Variants in STPG2 observed in about 807,000 individuals in gnomAD.
STPG2 encodes the protein sperm-tail PG-rich repeat-containing protein 2.
In STPG2, 56 loss-of-function variants were observed where a neutral mutation model predicts 54.2. The observed-to-expected ratio is 1.03, with a 90% confidence interval of 0.83 to 1.29. STPG2 has a LOEUF of 1.29. Among genes scored for constraint, STPG2 ranks in the 50% most tolerant of loss-of-function variants. The pLI is 0.00. For missense variants in STPG2, 596 were observed against 544.9 expected (o/e 1.09, Z -0.93); for synonymous variants, 200 against 181.8 (o/e 1.10, Z -0.81).
chr4:97,545,252 A>G (rs1731809452), intron 4 of STPG2, among the ~76,000 whole-genome samples: 1 of 152,064 alleles, frequency 6.6e-6, no homozygotes. Flanking sequence ...GGGCATAAAA[A>G]CCTACATTTT....
chr4:97,787,045 C>T (rs890938660), intron 9 of STPG2, among the ~76,000 whole-genome samples: 1 of 151,990 alleles, frequency 6.6e-6, no homozygotes, highest in African/African-American at 2.4e-5. Flanking sequence ...TACTGTATTC[C>T]GATGTTTTAT....
intron 9 of STPG2, among the ~76,000 whole-genome samples, chr4:97,807,511 T>C (rs1727607067): frequency 1.3e-5 from 2 of 151,760 alleles, no homozygotes; most frequent in Non-Finnish European, 2.9e-5. Context: ...GAAATAAAAA[T>C]AAAATAATTA....
intron 8 of STPG2, among the ~76,000 whole-genome samples, chr4:97,888,278 T>C (rs1420668607): frequency 6.6e-6 from 1 of 152,052 alleles, no homozygotes; most frequent in Non-Finnish European, 1.5e-5. Flanking sequence ...ACCGACAGCT[T>C]GTACCCTCAG....
rs565592766 is a variant in STPG2, at chr4:97,795,287, G to A, written c.1204+45486C>T. 7.2e-5 allele frequency among the ~76,000 whole-genome samples: 11 copies of A among 152,192 alleles called. No homozygotes were observed. The South Asian group carries it at 1.9e-3, about 26-fold the overall frequency. On this transcript the variant is annotated intron_variant, in intron 9 of 10. Coordinates refer to ENST00000295268, the MANE Select transcript of STPG2 (RefSeq NM_174952.3). ...ATGTATACATGTGCCATGTTGGTGTGCTGCACCCAATAACTCGTCATTTAC... is the reference window on the plus strand; with the variant it reads ...ATGTATACATGTGCCATGTTGGTGTACTGCACCCAATAACTCGTCATTTAC...
At position 97,493,243 on chromosome 4, in the gene STPG2, CA is replaced by C. The variant is rs1379981653; in HGVS notation, c.462+219455del. 4.0e-5 allele frequency among the ~76,000 whole-genome samples: 6 copies of C among 151,154 alleles called. No individual in the cohort carries two copies. In the East Asian group the frequency reaches 1.2e-3, roughly 29 times the overall value. ...GTAAGACCCTGAGGAAAAAGCAAAACAAAACAGAACCCAGCCCAGCCCTTAT... is the reference window on the plus strand; with the variant it reads ...GTAAGACCCTGAGGAAAAAGCAAAACAAACAGAACCCAGCCCAGCCCTTAT... On this transcript the variant is annotated intron_variant, in intron 4 of 4. Transcript: ENST00000522676.
At position 97,806,267 on chromosome 4, in the gene STPG2, C is replaced by G. The variant is rs551640882; in HGVS notation, c.1204+34506G>C. Among the ~76,000 whole-genome samples the G allele has an allele frequency of 2.6e-5, 4 of 152,210 alleles. No homozygotes were observed. The East Asian group carries it at 5.8e-4, about 22-fold the overall frequency. The stretch of plus-strand genomic sequence containing the variant: ...TATCCAAAGTTAATTAATTCAGAAG[C>G]AGAAAACCAAATACCACATGTTCTT... On this transcript the variant is annotated intron_variant, in intron 9 of 10. Coordinates refer to ENST00000295268, the MANE Select transcript of STPG2 (RefSeq NM_174952.3).
At chr4:97,745,281 C>T (rs6821976) in intron 9 of STPG2, among the ~76,000 whole-genome samples, 4,256 of 144,948 alleles carry the variant, frequency 0.029, 195 homozygotes, top group African/African-American at 0.1. Flanking sequence ...AAAACAATTG[C>T]AGAAAAGTGC....
intron 4 of STPG2, among the ~76,000 whole-genome samples, chr4:97,472,360 A>G (rs577786783): frequency 1.3e-5 from 2 of 152,280 alleles, no homozygotes; most frequent in East Asian, 3.9e-4. Flanking sequence ...GGTGAGTTTC[A>G]CCTCCAGGAG....
chr4:97,989,606 T>G (rs2149268328), intron 5 of STPG2, among the ~76,000 whole-genome samples: 1 of 152,314 alleles, frequency 6.6e-6, no homozygotes, highest in South Asian at 2.1e-4. Context: ...ACATATAATT[T>G]TTTTCTTTCC....
At chr4:97,730,694 G>A (rs1185901283) in intron 9 of STPG2, among the ~76,000 whole-genome samples, 1 of 152,142 alleles carries the variant, frequency 6.6e-6, no homozygotes, top group African/African-American at 2.4e-5. Context: ...AAATCACATA[G>A]TTCTGAAAGG....
intron 1 of STPG2, 26 bp from the exon 2 acceptor site, chr4:98,134,485 G>A: frequency 2.8e-6 from 4 of 1,420,096 alleles, no homozygotes; most frequent in South Asian, 2.7e-5. Flanking sequence ...CATATGACCA[G>A]CAGATAAGAT....
At chr4:97,548,945 A>T (rs1404211297) in intron 4 of STPG2, among the ~76,000 whole-genome samples, 4 of 40,330 alleles carry the variant, frequency 9.9e-5, no homozygotes, top group African/African-American at 8.2e-4. Context: ...ATTTTTTAAT[A>T]CCTGAAAACT....
chr4:97,477,397 A>T (rs1323032353), intron 4 of STPG2, among the ~76,000 whole-genome samples: 1 of 151,828 alleles, frequency 6.6e-6, no homozygotes, highest in Non-Finnish European at 1.5e-5. Flanking sequence ...CTAGAAAAGT[A>T]TGCAAAGAAA....
At chr4:98,017,440 T>A (rs1363923193) in intron 5 of STPG2, among the ~76,000 whole-genome samples, 2 of 152,186 alleles carry the variant, frequency 1.3e-5, no homozygotes, top group Non-Finnish European at 2.9e-5. Flanking sequence ...CCTGGTGACA[T>A]GACTATGAGG....
At chr4:97,566,373 G>A (rs897406660) in intron 10 of STPG2, among the ~76,000 whole-genome samples, 6 of 152,156 alleles carry the variant, frequency 3.9e-5, no homozygotes, top group African/African-American at 1.4e-4. Context: ...GGAACTCCCT[G>A]TCCCCTTGCG....
intron 9 of STPG2, among the ~76,000 whole-genome samples, chr4:97,792,832 C>T: frequency 6.6e-6 from 1 of 152,062 alleles, no homozygotes; most frequent in Admixed American, 6.6e-5. Context: ...TGCATATCCC[C>T]TCAATTCTTT....
chr4:97,948,956 G>T (rs1733356845), intron 7 of STPG2, among the ~76,000 whole-genome samples: 1 of 151,920 alleles, frequency 6.6e-6, no homozygotes, highest in Non-Finnish European at 1.5e-5. Flanking sequence ...TAAGACCATT[G>T]TTTCTTTGTT....
At chr4:98,017,800 C>A (rs776062067) in intron 5 of STPG2, among the ~76,000 whole-genome samples, 2 of 152,134 alleles carry the variant, frequency 1.3e-5, no homozygotes, top group Middle Eastern at 6.8e-3. Context: ...TTCCCCCATG[C>A]TATTCTCATG....
chr4:98,113,163 A>C (rs1006075816), intron 3 of STPG2, among the ~76,000 whole-genome samples: 4 of 152,102 alleles, frequency 2.6e-5, no homozygotes, highest in Admixed American at 2.6e-4. Flanking sequence ...CTAATCCGGC[A>C]GCTTTAGCTG....
Sources: allele counts gnomAD v4.1 joint callset (sites outside exome capture counted in the v4.1 genomes callset), GRCh38; gene constraint gnomAD v4.1.1; transcripts MANE v1.5; gene names NCBI Gene and HGNC (gene_info 2026-07-23, HGNC 2026-07-21).